The following PDZD2 variants were observed in gnomAD, a reference collection of about 807,000 sequenced individuals.
PDZD2 encodes the protein PDZ domain-containing protein 2.
Under a neutral mutation model 220.7 loss-of-function variants are expected in PDZD2, and 90 were observed. That is an observed-to-expected ratio of 0.41 (90% CI 0.34 to 0.49). The LOEUF (loss-of-function observed/expected upper bound fraction) is 0.49. Ranked by LOEUF, PDZD2 falls within the 20% of genes least tolerant of loss-of-function variation. The pLI, the probability that PDZD2 is intolerant of heterozygous loss-of-function variation, is 0.28. For missense variants in PDZD2, 3,174 were observed against 3,608.5 expected (o/e 0.88, Z 3.08); for synonymous variants, 1,375 against 1,450.5 (o/e 0.95, Z 1.18).
At chr5:31,793,907 A>G (rs1489411295) in intron 1 of PDZD2, among the ~76,000 whole-genome samples, 3 of 152,206 alleles carry the variant, frequency 2.0e-5, no homozygotes, top group African/African-American at 7.2e-5. Flanking sequence ...CTCATGGGTC[A>G]TGTGTGCAAA....
chr5:32,071,267 A>G, intron 15 of PDZD2, 117 bp from the exon 16 acceptor site: 1 of 785,120 alleles, frequency 1.3e-6, no homozygotes, highest in Non-Finnish European at 2.3e-6. Context: ...GCCCGTCATC[A>G]AGCAAAGGGA....
chr5:32,081,151 A>G (rs2112437484), intron 19 of PDZD2, among the ~76,000 whole-genome samples: 1 of 151,404 alleles, frequency 6.6e-6, no homozygotes, highest in East Asian at 1.9e-4. Flanking sequence ...CTTGTGTTAT[A>G]GTGTAGAGAG....
At chr5:31,850,632 T>G (rs999471744) in intron 2 of PDZD2, among the ~76,000 whole-genome samples, 1 of 143,858 alleles carries the variant, frequency 7.0e-6, no homozygotes, top group Admixed American at 7.2e-5. Context: ...TGTACCCAAA[T>G]TCTTTTTTTT....
intron 2 of PDZD2, among the ~76,000 whole-genome samples, chr5:31,867,026 G>A (rs1167264193): frequency 6.6e-6 from 1 of 152,180 alleles, no homozygotes; most frequent in African/African-American, 2.4e-5. Flanking sequence ...GCCGTGGATG[G>A]TAGCAGACCT....
chr5:31,904,525 CTTTT>C (rs1379895036), intron 2 of PDZD2, among the ~76,000 whole-genome samples: 1 of 152,058 alleles, frequency 6.6e-6, no homozygotes, highest in Non-Finnish European at 1.5e-5. Context: ...GTTAATATGT[CTTTT>C]ATTTATTTAT....
At chr5:31,672,564 G>T (rs74466074) in intron 1 of PDZD2, among the ~76,000 whole-genome samples, 1 of 152,272 alleles carries the variant, frequency 6.6e-6, no homozygotes, top group South Asian at 2.1e-4. Flanking sequence ...TTTCAAAAGC[G>T]ACAGGAAGTC....
intron 5 of PDZD2, among the ~76,000 whole-genome samples, chr5:32,008,577 G>A (rs1236712781): frequency 6.6e-6 from 1 of 152,126 alleles, no homozygotes; most frequent in Non-Finnish European, 1.5e-5. Context: ...GAGCCACTGC[G>A]CCCAGCCAGT....
At chr5:32,104,828 T>TAAAC (rs948476485) in intron 24 of PDZD2, among the ~76,000 whole-genome samples, 6 of 145,960 alleles carry the variant, frequency 4.1e-5, no homozygotes, top group African/African-American at 1.3e-4. Context: ...ATATATTTAA[T>TAAAC]AAACAAAGGG....
chr5:31,673,605 C>T (rs577250698), intron 1 of PDZD2, among the ~76,000 whole-genome samples: 4 of 152,240 alleles, frequency 2.6e-5, no homozygotes, highest in Middle Eastern at 3.4e-3. Flanking sequence ...GATGGTATTA[C>T]GAGCTGGGGA....
intron 1 of PDZD2, among the ~76,000 whole-genome samples, chr5:31,689,273 A>G (rs1220519141): frequency 1.2e-5 from 1 of 84,724 alleles, no homozygotes; most frequent in Non-Finnish European, 2.2e-5. Context: ...GTATACATAT[A>G]TACATATATA....
intron 4 of PDZD2, among the ~76,000 whole-genome samples, chr5:31,996,462 G>T (rs547831898): frequency 6.6e-6 from 1 of 152,150 alleles, no homozygotes; most frequent in South Asian, 2.1e-4. Context: ...TGTAATGTGG[G>T]TGCTCTGGGA....
chr5:31,903,521 G>T (rs1277069058), intron 2 of PDZD2, among the ~76,000 whole-genome samples: 1 of 150,812 alleles, frequency 6.6e-6, no homozygotes, highest in African/African-American at 2.4e-5. Flanking sequence ...GGTGGCACAT[G>T]CCTGTAGCCC....
chr5:31,907,648 A>G (rs1233701557), intron 2 of PDZD2, among the ~76,000 whole-genome samples: 2 of 152,192 alleles, frequency 1.3e-5, no homozygotes, highest in African/African-American at 2.4e-5. Context: ...TGTGAAATAC[A>G]ATATTTTATA....
chr5:32,014,710 T>TTTTTTTTTTTTTTTTC, intron 6 of PDZD2, among the ~76,000 whole-genome samples: 1 of 5,918 alleles, frequency 1.7e-4, no homozygotes, highest in African/African-American at 2.4e-4. Flanking sequence ...CAATTTCTTT[T>TTTTTTTTTTTTTTTTC]TTTTTTTTTT....
intron 4 of PDZD2, among the ~76,000 whole-genome samples, chr5:31,999,687 A>G (rs573317755): frequency 2.9e-4 from 44 of 152,252 alleles, no homozygotes; most frequent in African/African-American, 9.1e-4. Context: ...CCCTGGGAAG[A>G]GAGGAGTGCA....
intron 1 of PDZD2, among the ~76,000 whole-genome samples, chr5:31,764,091 A>G (rs1579436): frequency 0.046 from 7,062 of 152,254 alleles, 364 homozygotes; most frequent in African/African-American, 0.13. Context: ...AATCCTGCTC[A>G]GGAGGAACTC....
intron 2 of PDZD2, among the ~76,000 whole-genome samples, chr5:31,859,186 T>G (rs558213329): frequency 1.3e-5 from 2 of 152,220 alleles, no homozygotes; most frequent in South Asian, 4.2e-4. Flanking sequence ...CAAACTATCC[T>G]TAAAAAAACA....
At chr5:31,681,690 T>C (rs1170125020) in intron 1 of PDZD2, among the ~76,000 whole-genome samples, 1 of 152,190 alleles carries the variant, frequency 6.6e-6, no homozygotes, top group African/African-American at 2.4e-5. Context: ...TTTTCGAAAC[T>C]ATAAAACTTC....
chr5:31,845,155 G>T (rs1187889060), intron 2 of PDZD2, among the ~76,000 whole-genome samples: 3 of 152,160 alleles, frequency 2.0e-5, no homozygotes, highest in African/African-American at 7.2e-5. Context: ...AAATGTCCCT[G>T]CGGGGATAGG....
Sources: allele counts gnomAD v4.1 joint callset (sites outside exome capture counted in the v4.1 genomes callset), GRCh38; gene constraint gnomAD v4.1.1; transcripts MANE v1.5; gene names NCBI Gene and HGNC (gene_info 2026-07-23, HGNC 2026-07-21).